Variants in LARGE1 observed in about 807,000 individuals in gnomAD.
The protein encoded by LARGE1 is xylosyl- and glucuronyltransferase LARGE1.
Under a neutral mutation model 87.6 loss-of-function variants are expected in LARGE1, and 43 were observed. That is an observed-to-expected ratio of 0.49 (90% CI 0.38 to 0.63). LARGE1 has a LOEUF of 0.63. Ranked by LOEUF, LARGE1 falls within the 30% of genes least tolerant of loss-of-function variation. The pLI, the probability that LARGE1 is intolerant of heterozygous loss-of-function variation, is 0.00. For synonymous variants in LARGE1, 434 were observed against 394.6 expected, an observed-to-expected ratio of 1.10 and a Z score of -1.18; for missense variants, 802 against 1,000.2, an observed-to-expected ratio of 0.80 and a Z score of 2.67.
chr22:33,149,040 C>CTTTTTTTT, the LARGE1 span, among the ~76,000 whole-genome samples: 6 of 136,936 alleles, frequency 4.4e-5, no homozygotes, highest in Admixed American at 7.3e-5. Context: ...TTCTTTTTTT[C>CTTTTTTTT]TTTTTTTTTT....
chr22:33,220,903 G>A (rs992278973), intron 11 of LARGE1, among the ~76,000 whole-genome samples: 8 of 152,080 alleles, frequency 5.3e-5, no homozygotes, highest in African/African-American at 1.2e-4. Flanking sequence ...CAGAGATTCG[G>A]CCTTGCATGG....
intron 2 of LARGE1, among the ~76,000 whole-genome samples, chr22:33,738,623 G>C (rs2083749087): frequency 6.6e-6 from 1 of 152,146 alleles, no homozygotes; most frequent in Non-Finnish European, 1.5e-5. Context: ...ACTTTCGGAG[G>C]CCGAGGCAGG....
intron 11 of LARGE1, among the ~76,000 whole-genome samples, chr22:33,255,758 C>T (rs888979605): frequency 1.3e-5 from 2 of 152,192 alleles, no homozygotes; most frequent in African/African-American, 2.4e-5. Context: ...TCTATCTGTG[C>T]AGCCACATTC....
intron 6 of LARGE1, among the ~76,000 whole-genome samples, chr22:33,474,066 G>C (rs900141409): frequency 6.6e-6 from 1 of 152,150 alleles, no homozygotes; most frequent in African/African-American, 2.4e-5. Context: ...ATATTTCACA[G>C]GAACTTCAAG....
At chr22:33,155,711 A>G in the LARGE1 span, among the ~76,000 whole-genome samples, 3 of 152,370 alleles carry the variant, frequency 2.0e-5, no homozygotes, top group South Asian at 2.1e-4. Context: ...AGAAATTTGC[A>G]TAAGTAATGA....
chr22:33,130,555 C>T, the LARGE1 span, among the ~76,000 whole-genome samples: 1 of 152,154 alleles, frequency 6.6e-6, no homozygotes, highest in African/African-American at 2.4e-5. Flanking sequence ...GGGCATACTC[C>T]AGGCTATCTG....
rs903999672 is a variant in LARGE1 at position 33,328,451 on chromosome 22, G to A, written c.1287+9195C>T. Among the ~76,000 whole-genome samples, 3 of 152,104 alleles carry A rather than the reference G, an allele frequency of 2.0e-5. No individual in the cohort carries two copies. The South Asian group carries it at 6.2e-4, about 32-fold the overall frequency. ...AAAAATTAGCCTGGCATGGTGGCAG[G>A]TGCCTGTAATCCCAGCTACTCGAGA... is the stretch of plus-strand genomic sequence containing the variant. On this transcript the variant is annotated intron_variant, in intron 10 of 14. Transcript: ENST00000397394.
chr22:33,244,238 G>A (rs575840535), intron 11 of LARGE1, among the ~76,000 whole-genome samples: 10 of 151,410 alleles, frequency 6.6e-5, no homozygotes, highest in Admixed American at 5.9e-4. Context: ...CTCGTGATCC[G>A]CCCACTTCGG....
At chr22:33,122,324 G>A in the LARGE1 span, among the ~76,000 whole-genome samples, 10 of 150,910 alleles carry the variant, frequency 6.6e-5, no homozygotes, top group East Asian at 1.4e-3. Context: ...TTCGTGGGCA[G>A]TATCTAGAGT....
chr22:33,726,624 T>A (rs1180309563), intron 2 of LARGE1, among the ~76,000 whole-genome samples: 1 of 152,362 alleles, frequency 6.6e-6, no homozygotes, highest in Admixed American at 6.5e-5. Context: ...AACAGCCACC[T>A]GTGCCAAGCA....
intron 1 of LARGE1, among the ~76,000 whole-genome samples, chr22:33,799,601 C>T (rs908951027): frequency 7.9e-5 from 12 of 152,024 alleles, no homozygotes; most frequent in East Asian, 7.7e-4. Context: ...CCACCACGCC[C>T]GGCTAATTTT....
chr22:33,577,102 T>C (rs743729), intron 5 of LARGE1, among the ~76,000 whole-genome samples: 73,972 of 152,008 alleles, frequency 0.49, 18,098 homozygotes, highest in Middle Eastern at 0.54. Flanking sequence ...GAAAAAAAGA[T>C]TTTGTTTCTG....
chr22:33,671,281 T>C (rs768679257), intron 2 of LARGE1, among the ~76,000 whole-genome samples: 17 of 152,236 alleles, frequency 1.1e-4, no homozygotes, highest in Non-Finnish European at 2.2e-4. Context: ...TTTCACCATC[T>C]ATCATGCAGA....
At chr22:33,491,015 G>C (rs1486258928) in intron 6 of LARGE1, among the ~76,000 whole-genome samples, 1 of 152,156 alleles carries the variant, frequency 6.6e-6, no homozygotes, top group African/African-American at 2.4e-5. Context: ...CTGAGCCTGA[G>C]ACCCAAACAT....
chr22:33,149,912 CT>C, the LARGE1 span, among the ~76,000 whole-genome samples: 2 of 152,190 alleles, frequency 1.3e-5, no homozygotes, highest in African/African-American at 4.8e-5. Flanking sequence ...CTATTCTGCT[CT>C]GGCTTCCTTC....
chr22:33,773,490 CT>C (rs1011714354), intron 1 of LARGE1, among the ~76,000 whole-genome samples: 3 of 152,304 alleles, frequency 2.0e-5, no homozygotes, highest in Admixed American at 6.5e-5. Context: ...CAGTGGCCCC[CT>C]GAGGCATCCA....
intron 1 of LARGE1, among the ~76,000 whole-genome samples, chr22:33,801,597 C>T (rs776433543): frequency 5.3e-5 from 8 of 152,060 alleles, no homozygotes; most frequent in Non-Finnish European, 1.2e-4. Flanking sequence ...ATTCAGGATA[C>T]GAGTCCTCTG....
At chr22:33,803,800 C>T (rs1569452996) in intron 1 of LARGE1, among the ~76,000 whole-genome samples, 1 of 152,146 alleles carries the variant, frequency 6.6e-6, no homozygotes, top group Non-Finnish European at 1.5e-5. Flanking sequence ...GGTTTTCACC[C>T]AGGACTGGTT....
intron 6 of LARGE1, among the ~76,000 whole-genome samples, chr22:33,502,210 A>G (rs1428675947): frequency 1.3e-5 from 2 of 150,358 alleles, no homozygotes; most frequent in Non-Finnish European, 3.0e-5. Flanking sequence ...AAAAAAAAAA[A>G]ACTGTAGGAA....
Sources: gnomAD v4.1 joint callset for allele counts (sites outside exome capture counted in the v4.1 genomes callset) on GRCh38, gnomAD v4.1.1 for gene constraint, MANE v1.5 for transcripts, NCBI Gene and HGNC (gene_info 2026-07-23, HGNC 2026-07-21) for gene names.